Variants in OR2C1 observed in about 807,000 individuals in gnomAD.
OR2C1 encodes the protein olfactory receptor family 2 subfamily C member 1.
For synonymous variants in OR2C1, 209 were observed against 167.3 expected (o/e 1.25, Z -1.92); for missense variants, 468 against 388.3 (o/e 1.21, Z -1.73).
chr16:3,338,134 C>T, the OR2C1 span, among the ~76,000 whole-genome samples: 1 of 152,134 alleles, frequency 6.6e-6, no homozygotes, highest in Non-Finnish European at 1.5e-5. Flanking sequence ...TCCAGAGCAC[C>T]CGTGGAATGC....
chr16:3,323,195 C>G, the OR2C1 span: 3 of 695,054 alleles, frequency 4.3e-6, no homozygotes, highest in East Asian at 8.0e-5. Context: ...TCTAGTTCAG[C>G]TGGCAGATGA....
chr16:3,336,614 GC>G, the OR2C1 span, among the ~76,000 whole-genome samples: 1 of 150,790 alleles, frequency 6.6e-6, no homozygotes, highest in Admixed American at 6.6e-5. Flanking sequence ...GACTGCCTCG[GC>G]CTCCCAAAGT....
chr16:3,342,675 C>T, the OR2C1 span, among the ~76,000 whole-genome samples: 2 of 152,106 alleles, frequency 1.3e-5, no homozygotes, highest in Admixed American at 6.6e-5. Flanking sequence ...GTCGGGAGTT[C>T]GAGATCAGCC....
At chr16:3,339,801 T>C in the OR2C1 span, among the ~76,000 whole-genome samples, 1 of 152,190 alleles carries the variant, frequency 6.6e-6, no homozygotes, top group Non-Finnish European at 1.5e-5. Flanking sequence ...CTGATTTCTC[T>C]ACACTTATTA....
At chr16:3,331,465 G>A in the OR2C1 span, among the ~76,000 whole-genome samples, 36 of 151,386 alleles carry the variant, frequency 2.4e-4, no homozygotes, top group African/African-American at 8.2e-4. Flanking sequence ...CCTTGCCCAT[G>A]CCTATGTCCT....
the OR2C1 span, among the ~76,000 whole-genome samples, chr16:3,340,177 G>A: frequency 1.6e-4 from 24 of 152,008 alleles, no homozygotes; most frequent in Non-Finnish European, 3.4e-4. Flanking sequence ...TACTCGGGAG[G>A]CTGAGGTGGG....
chr16:3,356,241 C>G lies in OR2C1; in HGVS notation c.301C>G (p.Leu101Val). ...CAGCTATGGTGGCTGCATAACCCAG[C>G]TCTATGTCTTCCTTTGGCTGGGGGC... ...TISYGGCITQ[L>V]YVFLWLGATE... Residue 101 changes from leucine (L) to valine (V), a missense_variant, in exon 1 of 1, where the codon CTC (leucine) becomes GTC (valine). Transcript: ENST00000304936. 6.2e-7 allele frequency: 1 copy of G among 1,614,140 alleles called. No individual in the cohort carries two copies. The highest frequency in any genetic ancestry group is 1.3e-5 in the African/African-American group (1 of 75,050).
the OR2C1 span, chr16:3,322,945 C>T: frequency 1.4e-5 from 14 of 985,042 alleles, no homozygotes; most frequent in African/African-American, 2.3e-4. Context: ...AGGACTACTT[C>T]CGCCGACAAG....
chr16:3,341,502 T>G, the OR2C1 span, among the ~76,000 whole-genome samples: 1 of 152,212 alleles, frequency 6.6e-6, no homozygotes, highest in South Asian at 2.1e-4. Flanking sequence ...GTGGTTTCCT[T>G]CTTTTCTTCC....
chr16:3,326,065 G>T, the OR2C1 span, among the ~76,000 whole-genome samples: 3 of 151,844 alleles, frequency 2.0e-5, no homozygotes, highest in South Asian at 6.3e-4. Flanking sequence ...TGAGTAGCTG[G>T]GATTACAGAT....
At chr16:3,355,420 T>C (rs915573034), upstream of OR2C1, among the ~76,000 whole-genome samples, 42 of 124,784 alleles carry the variant, frequency 3.4e-4, no homozygotes, top group Non-Finnish European at 2.2e-4. Flanking sequence ...ATTGCACCAC[T>C]GCACTCCAGC....
At position 3,356,802 on chromosome 16, in the gene OR2C1, C is replaced by A; in HGVS notation, c.862C>A (p.Leu288Ile). 6.3e-7 allele frequency: 1 copy of A among 1,598,072 alleles called. No individual in the cohort carries two copies. ...GTTGGTCACACCCATGGTGAATCCC[C>A]TCATCTACACGCTGCGGAACATGGA... is the stretch of plus-strand genomic sequence containing the variant. ...YSLVTPMVNP[L>I]IYTLRNMEVK... The change falls in exon 1 of 1, where the codon CTC becomes ATC. Residue 288 changes from leucine (L) to isoleucine (I), a missense_variant. Coordinates refer to ENST00000304936, the MANE Select transcript of OR2C1 (RefSeq NM_012368.3).
the OR2C1 span, among the ~76,000 whole-genome samples, chr16:3,347,754 A>G: frequency 3.3e-5 from 5 of 152,064 alleles, no homozygotes; most frequent in Admixed American, 6.6e-5. Flanking sequence ...GTACACACAC[A>G]CGCACACATA....
upstream of OR2C1, among the ~76,000 whole-genome samples, chr16:3,353,879 C>T (rs1005377128): frequency 1.3e-5 from 2 of 151,996 alleles, no homozygotes; most frequent in African/African-American, 2.4e-5. Flanking sequence ...AGTTGAGATC[C>T]TGGCCAAGGA....
the OR2C1 span, among the ~76,000 whole-genome samples, chr16:3,348,864 T>A: frequency 6.6e-6 from 1 of 152,188 alleles, no homozygotes; most frequent in Non-Finnish European, 1.5e-5. Flanking sequence ...CTAAGGCTCA[T>A]GTCCCTGATT....
At chr16:3,343,035 T>A in the OR2C1 span, among the ~76,000 whole-genome samples, 1 of 152,126 alleles carries the variant, frequency 6.6e-6, no homozygotes, top group African/African-American at 2.4e-5. Flanking sequence ...ATTTTACAAA[T>A]GACAAATAAA....
At chr16:3,333,647 A>G in the OR2C1 span, among the ~76,000 whole-genome samples, 1 of 152,044 alleles carries the variant, frequency 6.6e-6, no homozygotes, top group Non-Finnish European at 1.5e-5. Flanking sequence ...GTTTACAAAT[A>G]TTTTCTATGG....
At chr16:3,326,547 C>T in the OR2C1 span, among the ~76,000 whole-genome samples, 24 of 152,186 alleles carry the variant, frequency 1.6e-4, no homozygotes, top group Admixed American at 6.5e-4. Flanking sequence ...TGTTGACTGC[C>T]TCCTAACATC....
At chr16:3,337,247 T>C in the OR2C1 span, among the ~76,000 whole-genome samples, 6 of 151,788 alleles carry the variant, frequency 4.0e-5, no homozygotes, top group Non-Finnish European at 8.8e-5. Flanking sequence ...CTGCACCTCC[T>C]GGGTTCAAGC....
Sources: gnomAD v4.1 joint callset for allele counts (sites outside exome capture counted in the v4.1 genomes callset) on GRCh38, gnomAD v4.1.1 for gene constraint, MANE v1.5 for transcripts, NCBI Gene and HGNC (gene_info 2026-07-23, HGNC 2026-07-21) for gene names.